Variants in PDE10A observed in about 807,000 individuals in gnomAD.
PDE10A encodes the protein cAMP and cAMP-inhibited cGMP 3',5'-cyclic phosphodiesterase 10A.
Under a neutral mutation model 97.7 loss-of-function variants are expected in PDE10A, and 39 were observed. The ratio of observed to expected loss-of-function variants is 0.40; its 90% CI spans 0.31 to 0.52. The LOEUF (loss-of-function observed/expected upper bound fraction) is 0.52, where lower values mean the gene tolerates loss of function less well. Ranked by LOEUF, PDE10A falls within the 20% of genes least tolerant of loss-of-function variation. PDE10A has a pLI of 0.56. For synonymous variants in PDE10A, 371 were observed against 376.8 expected, an observed-to-expected ratio of 0.98 and a Z score of 0.18; for missense variants, 731 against 1,047.8, an observed-to-expected ratio of 0.70 and a Z score of 4.17.
chr6:165,767,772 T>C (rs527499795), intron 1 of PDE10A, among the ~76,000 whole-genome samples: 1 of 152,242 alleles, frequency 6.6e-6, no homozygotes, highest in Non-Finnish European at 1.5e-5. Flanking sequence ...TGTGTGAATG[T>C]ATCTTCTGGA....
At chr6:165,979,095 C>T (rs1394862247) in intron 1 of PDE10A, among the ~76,000 whole-genome samples, 3 of 152,174 alleles carry the variant, frequency 2.0e-5, no homozygotes, top group African/African-American at 7.2e-5. Context: ...CGGTTTATTA[C>T]TCAGAGTGAG....
chr6:165,873,913 C>G (rs894196143), intron 1 of PDE10A, among the ~76,000 whole-genome samples: 1 of 152,180 alleles, frequency 6.6e-6, no homozygotes, highest in African/African-American at 2.4e-5. Context: ...CGTTTTAAGA[C>G]TCTTGTTAAA....
intron 1 of PDE10A, among the ~76,000 whole-genome samples, chr6:165,924,058 T>C (rs1185199592): frequency 1.3e-5 from 2 of 152,228 alleles, no homozygotes; most frequent in Non-Finnish European, 2.9e-5. Context: ...CTTTAGCTAG[T>C]TGTAGATGCA....
intron 17 of PDE10A, among the ~76,000 whole-genome samples, chr6:165,383,286 T>C (rs1785048159): frequency 6.6e-6 from 1 of 152,202 alleles, no homozygotes; most frequent in Non-Finnish European, 1.5e-5. Flanking sequence ...ATAGTTTCAA[T>C]GTTCAAAATA....
chr6:165,616,797 A>G (rs570539167), intron 1 of PDE10A, among the ~76,000 whole-genome samples: 2 of 152,220 alleles, frequency 1.3e-5, no homozygotes, highest in Non-Finnish European at 2.9e-5. Flanking sequence ...TCTGTTCAAC[A>G]AAGACAAAGG....
intron 1 of PDE10A, among the ~76,000 whole-genome samples, chr6:165,918,449 T>C (rs1337307939): frequency 2.6e-5 from 4 of 152,254 alleles, no homozygotes; most frequent in Non-Finnish European, 5.9e-5. Flanking sequence ...ATGCTATGGG[T>C]ACTTAAATGA....
At chr6:165,559,303 G>A (rs1784410738) in intron 1 of PDE10A, among the ~76,000 whole-genome samples, 3 of 152,138 alleles carry the variant, frequency 2.0e-5, no homozygotes, top group Admixed American at 6.5e-5. Context: ...AAGAAAATAG[G>A]GGCTAAGAGG....
chr6:165,736,838 A>G, intron 1 of PDE10A, among the ~76,000 whole-genome samples: 1 of 152,232 alleles, frequency 6.6e-6, no homozygotes, highest in Non-Finnish European at 1.5e-5. Flanking sequence ...TGAGACTAGA[A>G]AAACAATAGA....
Position 165,331,647 on chromosome 6 carries a change from G to A in PDE10A, c.*1378C>T, listed in dbSNP as rs996566434. The A allele has an allele frequency of 2.6e-5, 4 of 152,182 alleles. No individual in the cohort carries two copies. Among genetic ancestry groups the A allele is most frequent in the East Asian group, 1.9e-4 (1 of 5,196 alleles). 9.4% of individuals were successfully genotyped at this position (152,182 alleles called of 1,614,324 possible). ...GTCTAATTCAGGTTTGGAGGTTACC[G>A]TGCCATTGCACTAAAAATCTTTAAA... On this transcript the variant is annotated 3_prime_UTR_variant, in exon 22 of 22. Transcript: ENST00000539869.
chr6:165,938,912 G>T (rs1025909679), intron 1 of PDE10A, among the ~76,000 whole-genome samples: 3 of 152,176 alleles, frequency 2.0e-5, no homozygotes, highest in Non-Finnish European at 4.4e-5. Context: ...CTTTAGTAAA[G>T]TGGACATATG....
At chr6:165,612,251 C>T (rs1174090374) in intron 1 of PDE10A, among the ~76,000 whole-genome samples, 1 of 152,184 alleles carries the variant, frequency 6.6e-6, no homozygotes, top group Non-Finnish European at 1.5e-5. Context: ...AGGGGAGGAT[C>T]TTTTCTTTCA....
At chr6:165,645,277 G>A (rs116936652) in intron 1 of PDE10A, among the ~76,000 whole-genome samples, 1,557 of 152,220 alleles carry the variant, frequency 0.01, 16 homozygotes, top group Middle Eastern at 0.017. Context: ...CCAGTAACTC[G>A]CCTTTTACTG....
At chr6:165,633,194 AC>A (rs1298317406) in intron 1 of PDE10A, among the ~76,000 whole-genome samples, 2 of 152,178 alleles carry the variant, frequency 1.3e-5, no homozygotes, top group African/African-American at 4.8e-5. Flanking sequence ...TAAGATGTAG[AC>A]TGACTTCTCT....
intron 1 of PDE10A, among the ~76,000 whole-genome samples, chr6:165,813,533 T>C (rs140584393): frequency 1.7e-3 from 258 of 152,324 alleles, no homozygotes; most frequent in African/African-American, 5.9e-3. Flanking sequence ...CTGACATCGC[T>C]GTTCAGCCCA....
At chr6:165,557,366 G>A (rs1784308878) in intron 1 of PDE10A, among the ~76,000 whole-genome samples, 1 of 151,874 alleles carries the variant, frequency 6.6e-6, no homozygotes, top group African/African-American at 2.4e-5. Context: ...GTTTCAACTG[G>A]GATTTAAAGA....
intron 16 of PDE10A, among the ~76,000 whole-genome samples, chr6:165,389,702 G>T (rs1030349362): frequency 2.6e-5 from 4 of 152,150 alleles, no homozygotes; most frequent in African/African-American, 9.7e-5. Context: ...CTGGAGATAG[G>T]CCTTTGCTAG....
rs182731054 is a variant in PDE10A, at chr6:165,767,823, A to G, written c.-615+219706T>C. 3.3e-5 allele frequency among the ~76,000 whole-genome samples: 5 copies of G among 151,964 alleles called. No individual in the cohort carries two copies. The East Asian group carries it at 7.7e-4, about 23-fold the overall frequency. On this transcript the variant is annotated intron_variant, in intron 1 of 19. Transcript: ENST00000366882. Reference sequence around the variant, plus strand: ...AATTGCTGGGTCATTCACTCTCTCTATGTTTGATTTTTTGAGGAATTGCAA... The same window carrying G: ...AATTGCTGGGTCATTCACTCTCTCTGTGTTTGATTTTTTGAGGAATTGCAA...
chr6:165,812,251 G>A (rs1250245577), intron 1 of PDE10A, among the ~76,000 whole-genome samples: 2 of 152,172 alleles, frequency 1.3e-5, no homozygotes, highest in Admixed American at 6.5e-5. Context: ...TATCCACTCA[G>A]ATATTGTATT....
chr6:165,764,270 A>G (rs1479379040), intron 1 of PDE10A, among the ~76,000 whole-genome samples: 1 of 152,238 alleles, frequency 6.6e-6, no homozygotes, highest in African/African-American at 2.4e-5. Context: ...AGTAAGGATA[A>G]TATTAGTGCT....
Sources: allele counts gnomAD v4.1 joint callset (sites outside exome capture counted in the v4.1 genomes callset), GRCh38; gene constraint gnomAD v4.1.1; transcripts MANE v1.5; gene names NCBI Gene and HGNC (gene_info 2026-07-23, HGNC 2026-07-21).